The following PTPRM variants were observed in gnomAD, a reference collection of about 807,000 sequenced individuals.
PTPRM encodes the protein receptor-type tyrosine-protein phosphatase mu.
A neutral mutation model predicts 186.7 loss-of-function variants in PTPRM; 47 were observed. The ratio of observed to expected loss-of-function variants is 0.25; its 90% confidence interval spans 0.20 to 0.32. PTPRM has a LOEUF of 0.32. Among genes scored for constraint, PTPRM ranks in the 10% least tolerant of loss-of-function variants. PTPRM has a pLI of 1.00. For synonymous variants in PTPRM, 668 were observed against 674.9 expected (o/e 0.99, Z 0.16); for missense variants, 1,494 against 1,865.0 (o/e 0.80, Z 3.66).
chr18:8,031,877 G>C (rs1485275437), intron 7 of PTPRM, among the ~76,000 whole-genome samples: 2 of 152,164 alleles, frequency 1.3e-5, no homozygotes, highest in Non-Finnish European at 2.9e-5. Flanking sequence ...GAGAGAAGGA[G>C]CAAGGGATAA....
At chr18:7,944,316 T>A (rs935671256) in intron 5 of PTPRM, among the ~76,000 whole-genome samples, 3 of 152,224 alleles carry the variant, frequency 2.0e-5, no homozygotes, top group African/African-American at 7.2e-5. Flanking sequence ...TAGATATCTT[T>A]AGGTTCCGTC....
intron 11 of PTPRM, among the ~76,000 whole-genome samples, chr18:8,101,169 C>T (rs1258024931): frequency 2.0e-5 from 3 of 152,272 alleles, no homozygotes; most frequent in South Asian, 4.2e-4. Flanking sequence ...ATAAAGAATG[C>T]AACCATAGCA....
chr18:7,611,106 A>G (rs1159668072), intron 1 of PTPRM, among the ~76,000 whole-genome samples: 2 of 152,226 alleles, frequency 1.3e-5, no homozygotes, highest in Non-Finnish European at 2.9e-5. Context: ...CTTAGAAAAT[A>G]AGGATATAAA....
chr18:8,379,153 C>G lies in PTPRM; in HGVS notation c.3613-14C>G, dbSNP rs774173809. ...AGGCTTCTTGTCCTCATGTTCCTTT[C>G]TTTTCTCACGCAGACGCTAAACATG... On this transcript the variant is annotated splice_polypyrimidine_tract_variant and intron_variant, in intron 27 of 32. Transcript: ENST00000580170. 7.0e-6 allele frequency: 11 copies of G among 1,568,766 alleles called. No homozygotes were observed. Among genetic ancestry groups the G allele is most frequent in the Non-Finnish European group, 8.7e-6 (10 of 1,155,278 alleles).
At chr18:7,949,937 T>C (rs1286884770) in intron 6 of PTPRM, among the ~76,000 whole-genome samples, 1 of 151,770 alleles carries the variant, frequency 6.6e-6, no homozygotes, top group Non-Finnish European at 1.5e-5. Context: ...GTTTAATGGG[T>C]TTTTTGTAGG....
intron 8 of PTPRM, among the ~76,000 whole-genome samples, chr18:8,072,909 C>T (rs1461108179): frequency 6.6e-6 from 1 of 152,044 alleles, no homozygotes; most frequent in Admixed American, 6.5e-5. Flanking sequence ...ATTATTTATT[C>T]ATATTGTTTT....
At chr18:7,761,649 C>A (rs1034146907) in intron 1 of PTPRM, among the ~76,000 whole-genome samples, 1 of 152,130 alleles carries the variant, frequency 6.6e-6, no homozygotes, top group African/African-American at 2.4e-5. Flanking sequence ...TTGGCTCTTA[C>A]AGCATTTTTC....
intron 7 of PTPRM, among the ~76,000 whole-genome samples, chr18:8,035,455 T>G (rs927144621): frequency 6.6e-6 from 1 of 152,180 alleles, no homozygotes; most frequent in Admixed American, 6.5e-5. Flanking sequence ...TGGTGTGCCA[T>G]GTGCACACCC....
intron 7 of PTPRM, among the ~76,000 whole-genome samples, chr18:7,986,955 C>G (rs2082995999): frequency 6.6e-6 from 1 of 152,138 alleles, no homozygotes; most frequent in Non-Finnish European, 1.5e-5. Flanking sequence ...AACACATCAG[C>G]AAGCCAAGGA....
intron 19 of PTPRM, among the ~76,000 whole-genome samples, chr18:8,293,867 T>G (rs1179134171): frequency 1.3e-5 from 2 of 152,194 alleles, no homozygotes; most frequent in African/African-American, 4.8e-5. Context: ...TTGAGTTAAT[T>G]TATTAATAAC....
intron 2 of PTPRM, among the ~76,000 whole-genome samples, chr18:7,799,052 T>G (rs938181133): frequency 6.6e-6 from 1 of 152,206 alleles, no homozygotes; most frequent in African/African-American, 2.4e-5. Context: ...TTAGTCTGTT[T>G]GTGTTGCTAT....
At chr18:8,246,615 C>T (rs1381494645) in intron 15 of PTPRM, among the ~76,000 whole-genome samples, 1 of 152,176 alleles carries the variant, frequency 6.6e-6, no homozygotes, top group East Asian at 1.9e-4. Context: ...CTCACTGACC[C>T]TGGCATATTT....
chr18:7,672,313 G>T (rs1194806678), intron 1 of PTPRM, among the ~76,000 whole-genome samples: 1 of 152,062 alleles, frequency 6.6e-6, no homozygotes, highest in Admixed American at 6.5e-5. Context: ...TTTTTTCACG[G>T]TTTAATCAAG....
intron 1 of PTPRM, among the ~76,000 whole-genome samples, chr18:7,711,322 C>T (rs903144401): frequency 9.2e-5 from 14 of 152,296 alleles, no homozygotes; most frequent in African/African-American, 2.4e-4. Flanking sequence ...CTTTTCTCAT[C>T]GTCTTCACAA....
At chr18:8,143,581 T>A in intron 13 of PTPRM, 66 bp from the exon 14 acceptor site, 2 of 1,505,646 alleles carry the variant, frequency 1.3e-6, no homozygotes. Flanking sequence ...CGAAATTTTT[T>A]AAACTGTGGC....
intron 14 of PTPRM, among the ~76,000 whole-genome samples, chr18:8,201,953 T>G (rs1256857897): frequency 6.6e-6 from 1 of 152,240 alleles, no homozygotes; most frequent in Non-Finnish European, 1.5e-5. Flanking sequence ...AAAGGCGTGG[T>G]GAACCCTTGA....
intron 2 of PTPRM, among the ~76,000 whole-genome samples, chr18:7,822,633 G>T (rs112073906): frequency 5.3e-4 from 80 of 152,234 alleles, no homozygotes; most frequent in Middle Eastern, 6.8e-3. Context: ...TTTTTAAGGC[G>T]AGCCAAGCAT....
chr18:7,617,306 A>C (rs747181632), intron 1 of PTPRM, among the ~76,000 whole-genome samples: 4 of 152,128 alleles, frequency 2.6e-5, no homozygotes, highest in Non-Finnish European at 5.9e-5. Context: ...TGTAGGTTGA[A>C]TAATTAGACT....
chr18:8,236,481 G>A (rs956522868), intron 14 of PTPRM, among the ~76,000 whole-genome samples: 1 of 152,016 alleles, frequency 6.6e-6, no homozygotes, highest in South Asian at 2.1e-4. Context: ...TAAGTTTCTT[G>A]TAGATCATAT....
Sources: allele counts gnomAD v4.1 joint callset (sites outside exome capture counted in the v4.1 genomes callset), GRCh38; gene constraint gnomAD v4.1.1; transcripts MANE v1.5; gene names NCBI Gene and HGNC (gene_info 2026-07-23, HGNC 2026-07-21).